The following PTDSS1 variants were observed in gnomAD, a reference collection of about 807,000 sequenced individuals.
PTDSS1 encodes the protein PSS-1.
A neutral mutation model predicts 70.5 loss-of-function variants in PTDSS1; 45 were observed. The ratio of observed to expected loss-of-function variants is 0.64; its 90% confidence interval spans 0.50 to 0.82. The LOEUF is 0.82. PTDSS1 is among the 40% of genes least tolerant of loss of function. PTDSS1 has a pLI of 0.00. For missense variants in PTDSS1, 417 were observed against 586.1 expected (o/e 0.71, Z 2.98); for synonymous variants, 188 against 203.8 (o/e 0.92, Z 0.66).
At chr8:96,303,071 A>C (rs1811073233) in intron 6 of PTDSS1, among the ~76,000 whole-genome samples, 1 of 152,238 alleles carries the variant, frequency 6.6e-6, no homozygotes, top group African/African-American at 2.4e-5. Flanking sequence ...ATACAGATTA[A>C]GTTGAATTAA....
rs1295097255 is a variant in PTDSS1, at chr8:96,262,301, G to T, written c.179+82G>T. ...GGAGGGTGGCGGGGAGGGGGGCCCG[G>T]CATGGCTCTGGGTGAGGAAGTGGGC... is the stretch of plus-strand genomic sequence containing the variant. On this transcript the variant is annotated intron_variant, in intron 1 of 12. Transcript: ENST00000517309. The surrounding 1 kb of genome is among the most constrained non-coding windows in gnomAD (Gnocchi z 4.4). 21 of 1,460,890 alleles carry T rather than the reference G, an allele frequency of 1.4e-5. No individual in the cohort carries two copies. The highest frequency in any genetic ancestry group is 1.9e-5 in the Non-Finnish European group (20 of 1,073,180). 90.5% of individuals were successfully genotyped at this position (1,460,890 alleles called of 1,614,324 possible). A position where few individuals can be genotyped will look rare whatever the true frequency, so the allele number is the denominator to read the frequency against.
At chr8:96,324,082 C>T (rs1405765607) in intron 10 of PTDSS1, among the ~76,000 whole-genome samples, 1 of 152,182 alleles carries the variant, frequency 6.6e-6, no homozygotes, top group Admixed American at 6.5e-5. Flanking sequence ...AAGGTCTTTG[C>T]TACTGTGTGA....
chr8:96,270,599 C>T (rs1236622530), intron 1 of PTDSS1, among the ~76,000 whole-genome samples: 1 of 152,334 alleles, frequency 6.6e-6, no homozygotes, highest in Middle Eastern at 3.4e-3. Flanking sequence ...ACATTGGGGC[C>T]TTTAGTCTGA....
At chr8:96,281,997 A>G (rs936625346) in intron 2 of PTDSS1, among the ~76,000 whole-genome samples, 4 of 152,160 alleles carry the variant, frequency 2.6e-5, no homozygotes, top group Admixed American at 6.5e-5. Context: ...TGTCGTTATG[A>G]TTGCTCTTGA....
intron 4 of PTDSS1, among the ~76,000 whole-genome samples, chr8:96,291,785 AG>A (rs1422085142): frequency 6.6e-6 from 1 of 152,196 alleles, no homozygotes; most frequent in Non-Finnish European, 1.5e-5. Context: ...ACTCAGGTGT[AG>A]GGGCTGGATG....
rs1228131871 is a variant in PTDSS1 at position 96,320,227 on chromosome 8, C to T, written c.1074-19C>T. 1.3e-6 allele frequency: 2 copies of T among 1,555,900 alleles called. No individual in the cohort carries two copies. The highest frequency in any genetic ancestry group is 2.7e-5 in the African/African-American group (2 of 73,506). On this transcript the variant is annotated intron_variant, in intron 9 of 12. Coordinates refer to ENST00000517309, the MANE Select transcript of PTDSS1 (RefSeq NM_014754.3). ...GGTAAGATGGATTAATACTTAACCT[C>T]TGTTCTCTGTCTAATTAGGGTCATT... is the stretch of plus-strand genomic sequence containing the variant.
chr8:96,270,516 A>G (rs1048525450), intron 1 of PTDSS1, among the ~76,000 whole-genome samples: 1 of 152,150 alleles, frequency 6.6e-6, no homozygotes, highest in Non-Finnish European at 1.5e-5. Flanking sequence ...CACCACCACC[A>G]CAGACTGGTA....
chr8:96,325,644 C>T (rs1432072764), intron 10 of PTDSS1, among the ~76,000 whole-genome samples: 1 of 152,134 alleles, frequency 6.6e-6, no homozygotes, highest in African/African-American at 2.4e-5. Flanking sequence ...ATTTTCTTGC[C>T]ATTCTGCCCT....
At chr8:96,318,963 T>C (rs544820804) in intron 9 of PTDSS1, among the ~76,000 whole-genome samples, 62 of 126,234 alleles carry the variant, frequency 4.9e-4, no homozygotes, top group Middle Eastern at 6.2e-3. Flanking sequence ...CAGGCTGGAG[T>C]GCAGTGGTGC....
chr8:96,309,510 G>T (rs765203901), intron 8 of PTDSS1, 47 bp from the exon 9 acceptor site: 20 of 1,548,258 alleles, frequency 1.3e-5, no homozygotes, highest in Middle Eastern at 1.7e-4. Context: ...GTGCTGACTT[G>T]CTGGTCTTCC....
chr8:96,306,608 T>G (rs1446963812), intron 8 of PTDSS1, 52 bp downstream of exon 8: 1 of 1,396,272 alleles, frequency 7.2e-7, no homozygotes, highest in South Asian at 1.2e-5. Context: ...TTGCTTTAGA[T>G]TGTCCTGTTT....
At chr8:96,286,873 G>C in intron 3 of PTDSS1, 149 bp from the exon 4 acceptor site, 3 of 1,025,130 alleles carry the variant, frequency 2.9e-6, no homozygotes, top group Non-Finnish European at 4.4e-6. Context: ...GCCTCATCAA[G>C]GGAAATCCCA....
intron 6 of PTDSS1, among the ~76,000 whole-genome samples, chr8:96,303,382 G>T (rs996813574): frequency 6.6e-6 from 1 of 152,172 alleles, no homozygotes; most frequent in Non-Finnish European, 1.5e-5. Flanking sequence ...GTTGGTGCTT[G>T]TGCCTCCAAC....
chr8:96,321,596 C>G (rs977149234), intron 10 of PTDSS1, among the ~76,000 whole-genome samples: 2 of 152,152 alleles, frequency 1.3e-5, no homozygotes, highest in African/African-American at 4.8e-5. Context: ...TGTAATTTAA[C>G]ATATTTCTTT....
At chr8:96,313,356 G>C (rs1158421878) in intron 9 of PTDSS1, among the ~76,000 whole-genome samples, 1 of 152,192 alleles carries the variant, frequency 6.6e-6, no homozygotes, top group South Asian at 2.1e-4. Context: ...AAGGTCGGCT[G>C]TTTCTCTATT....
At chr8:96,328,113 A>C (rs977668890) in intron 10 of PTDSS1, among the ~76,000 whole-genome samples, 4 of 150,740 alleles carry the variant, frequency 2.7e-5, no homozygotes, top group South Asian at 2.1e-4. Flanking sequence ...GGCAGCTGCC[A>C]CTGCCTGTCA....
intron 10 of PTDSS1, among the ~76,000 whole-genome samples, chr8:96,324,584 G>A (rs925315945): frequency 1.3e-5 from 2 of 152,204 alleles, no homozygotes; most frequent in African/African-American, 4.8e-5. Context: ...AGAAACAAGT[G>A]CACCAGACAG....
At chr8:96,327,252 C>G (rs748697031) in intron 10 of PTDSS1, among the ~76,000 whole-genome samples, 4 of 152,114 alleles carry the variant, frequency 2.6e-5, no homozygotes, top group Admixed American at 6.5e-5. Context: ...AGGGAACATG[C>G]CTCTGGGAGA....
At chr8:96,305,373 T>C (rs917576927) in intron 7 of PTDSS1, among the ~76,000 whole-genome samples, 6 of 152,234 alleles carry the variant, frequency 3.9e-5, no homozygotes, top group Admixed American at 2.6e-4. Context: ...GTAATGAACC[T>C]GCCAGTCTAT....
Sources: allele counts gnomAD v4.1 joint callset (sites outside exome capture counted in the v4.1 genomes callset), GRCh38; gene constraint gnomAD v4.1.1; non-coding constraint Gnocchi (gnomAD v3.1); transcripts MANE v1.5; gene names NCBI Gene and HGNC (gene_info 2026-07-23, HGNC 2026-07-21).